Variants in SUGCT observed in about 807,000 individuals in gnomAD.
SUGCT encodes succinyl-CoA:glutarate CoA-transferase.
In SUGCT, 41 loss-of-function variants were observed where a neutral mutation model predicts 55.0. The observed-to-expected ratio is 0.74, with a 90% confidence interval of 0.58 to 0.97. The LOEUF (loss-of-function observed/expected upper bound fraction) is 0.97, where lower values mean the gene tolerates loss of function less well. Among genes scored for constraint, SUGCT ranks in the 50% least tolerant of loss-of-function variants. The pLI, the probability that SUGCT is intolerant of heterozygous loss-of-function variation, is 0.00. For missense variants in SUGCT, 568 were observed against 547.8 expected (o/e 1.04, Z -0.37); for synonymous variants, 187 against 200.4 (o/e 0.93, Z 0.56).
At chr7:40,785,797 T>C (rs1321109343) in intron 13 of SUGCT, among the ~76,000 whole-genome samples, 1 of 152,054 alleles carries the variant, frequency 6.6e-6, no homozygotes, top group Non-Finnish European at 1.5e-5. Flanking sequence ...TAAAGAAAAA[T>C]AATTTTAGGG....
At chr7:40,771,448 T>C (rs372888958) in intron 13 of SUGCT, among the ~76,000 whole-genome samples, 6 of 152,284 alleles carry the variant, frequency 3.9e-5, no homozygotes, top group African/African-American at 1.2e-4. Flanking sequence ...AATGTGCCCC[T>C]TTCCTGTAAT....
the SUGCT span, among the ~76,000 whole-genome samples, chr7:40,923,164 C>T: frequency 6.6e-6 from 1 of 152,174 alleles, no homozygotes; most frequent in Admixed American, 6.5e-5. Context: ...GTGTTTTGTC[C>T]TGGGTGTGCA....
intron 11 of SUGCT, among the ~76,000 whole-genome samples, chr7:40,462,083 C>G (rs942481106): frequency 2.0e-5 from 3 of 152,292 alleles, no homozygotes; most frequent in Middle Eastern, 6.8e-3. Context: ...GTGAACGAAA[C>G]AGACAAAGTG....
intron 6 of SUGCT, among the ~76,000 whole-genome samples, chr7:40,219,468 A>G (rs1263295902): frequency 2.0e-5 from 3 of 152,246 alleles, no homozygotes; most frequent in Non-Finnish European, 4.4e-5. Flanking sequence ...TAACATTTTT[A>G]TTAAACAATA....
intron 13 of SUGCT, among the ~76,000 whole-genome samples, chr7:40,850,120 C>T (rs1170508925): frequency 6.6e-6 from 1 of 152,174 alleles, no homozygotes; most frequent in African/African-American, 2.4e-5. Context: ...TCTTCGCGTT[C>T]TACTTCTGGA....
At chr7:40,330,482 A>ATT (rs34591113) in intron 9 of SUGCT, among the ~76,000 whole-genome samples, 2,748 of 149,896 alleles carry the variant, frequency 0.018, 76 homozygotes, top group African/African-American at 0.062. Context: ...AGAAGATCCG[A>ATT]TTTTTTTTTT....
At position 40,193,581 on chromosome 7, in the gene SUGCT, C is replaced by T. The variant is rs367556307; in HGVS notation, c.364-1359C>T. On this transcript the variant is annotated intron_variant, in intron 5 of 13. Transcript: ENST00000335693. The stretch of plus-strand genomic sequence containing the variant: ...ATTTACAGGTGTGAGCCACTATGCC[C>T]GGCCAATTTATTTAAAAAAGATTTT... 4.3e-4 allele frequency among the ~76,000 whole-genome samples: 65 copies of T among 150,582 alleles called. 1 individual carries two copies. In the South Asian group the frequency reaches 0.012, roughly 29 times the overall value.
At chr7:40,939,834 T>G in the SUGCT span, among the ~76,000 whole-genome samples, 1 of 152,202 alleles carries the variant, frequency 6.6e-6, no homozygotes, top group Non-Finnish European at 1.5e-5. Flanking sequence ...GTTAGTTGTC[T>G]TTTTACTCTG....
intron 7 of SUGCT, among the ~76,000 whole-genome samples, chr7:40,243,936 G>C (rs1240909766): frequency 1.3e-5 from 2 of 152,160 alleles, no homozygotes; most frequent in Non-Finnish European, 2.9e-5. Context: ...ACTTTGGGAG[G>C]CTGAGGTGGG....
chr7:40,169,416 A>C (rs1457050135), intron 1 of SUGCT, among the ~76,000 whole-genome samples: 1 of 152,156 alleles, frequency 6.6e-6, no homozygotes, highest in Non-Finnish European at 1.5e-5. Flanking sequence ...CCTGGCCATT[A>C]ATGGTCAAGC....
intron 9 of SUGCT, among the ~76,000 whole-genome samples, chr7:40,335,402 T>G (rs1016427018): frequency 2.0e-5 from 3 of 151,812 alleles, no homozygotes; most frequent in African/African-American, 7.3e-5. Flanking sequence ...CTTCCATTTG[T>G]TTGTATCCTC....
chr7:40,438,909 T>A (rs920614194), intron 9 of SUGCT, among the ~76,000 whole-genome samples: 6 of 151,086 alleles, frequency 4.0e-5, no homozygotes, highest in African/African-American at 1.5e-4. Flanking sequence ...TAGAATTCAC[T>A]GAGGAGTTCC....
At chr7:40,944,435 T>C in the SUGCT span, among the ~76,000 whole-genome samples, 1 of 151,794 alleles carries the variant, frequency 6.6e-6, no homozygotes, top group African/African-American at 2.4e-5. Context: ...AAGTCTTTAA[T>C]CCATCTTGAA....
chr7:40,502,198 T>A (rs1284027955), intron 12 of SUGCT, among the ~76,000 whole-genome samples: 1 of 152,148 alleles, frequency 6.6e-6, no homozygotes, highest in Non-Finnish European at 1.5e-5. Context: ...ATGTACTTTA[T>A]GTTTTCTGAA....
intron 9 of SUGCT, among the ~76,000 whole-genome samples, chr7:40,428,163 C>G (rs1262289955): frequency 6.6e-6 from 1 of 152,210 alleles, no homozygotes; most frequent in African/African-American, 2.4e-5. Context: ...GACCTAACAT[C>G]TATTTTGCCT....
chr7:40,220,734 A>G (rs1787972372), intron 6 of SUGCT, among the ~76,000 whole-genome samples: 1 of 152,176 alleles, frequency 6.6e-6, no homozygotes, highest in Non-Finnish European at 1.5e-5. Flanking sequence ...TAAGTTTCTT[A>G]TTTTAGGATT....
the SUGCT span, among the ~76,000 whole-genome samples, chr7:40,993,061 T>C: frequency 6.6e-6 from 1 of 152,126 alleles, no homozygotes; most frequent in Non-Finnish European, 1.5e-5. Flanking sequence ...CCTGGAGATC[T>C]TACTAAAATG....
intron 12 of SUGCT, among the ~76,000 whole-genome samples, chr7:40,622,528 GTTTTTTTTTTT>G (rs370877783): frequency 3.7e-4 from 30 of 81,852 alleles, no homozygotes; most frequent in Admixed American, 3.2e-3. Context: ...TGTTGTGGTT[GTTTTTTTTTTT>G]TTTTTTTTTT....
At chr7:40,758,619 G>C (rs992386330) in intron 13 of SUGCT, among the ~76,000 whole-genome samples, 2 of 152,090 alleles carry the variant, frequency 1.3e-5, no homozygotes, top group African/African-American at 4.8e-5. Flanking sequence ...TCTCTCCTCA[G>C]CTGGAGCGAA....
Sources: gnomAD v4.1 joint callset for allele counts (sites outside exome capture counted in the v4.1 genomes callset) on GRCh38, gnomAD v4.1.1 for gene constraint, MANE v1.5 for transcripts, NCBI Gene and HGNC (gene_info 2026-07-23, HGNC 2026-07-21) for gene names.